The following PCDHGA3 variants were observed in gnomAD, a reference collection of about 807,000 sequenced individuals.
The protein encoded by PCDHGA3 is protocadherin gamma subfamily A, 3.
Under a neutral mutation model 58.5 loss-of-function variants are expected in PCDHGA3, and 40 were observed. The ratio of observed to expected loss-of-function variants is 0.68; its 90% CI spans 0.53 to 0.89. PCDHGA3 has a LOEUF of 0.89. Among genes scored for constraint, PCDHGA3 ranks in the 40% least tolerant of loss-of-function variants. The pLI, the probability that PCDHGA3 is intolerant of heterozygous loss-of-function variation, is 0.00. For synonymous variants in PCDHGA3, 530 were observed against 525.7 expected, an observed-to-expected ratio of 1.01 and a Z score of -0.11; for missense variants, 1,223 against 1,195.9, an observed-to-expected ratio of 1.02 and a Z score of -0.33.
At chr5:141,414,639 T>A in intron 1 of PCDHGA3, 1 of 1,613,966 alleles carries the variant, frequency 6.2e-7, no homozygotes, top group South Asian at 1.1e-5. Context: ...GCAAAGAGAA[T>A]GCCCAGATTA....
At chr5:141,461,291 C>A (rs892436619) in intron 1 of PCDHGA3, among the ~76,000 whole-genome samples, 1 of 152,128 alleles carries the variant, frequency 6.6e-6, no homozygotes, top group African/African-American at 2.4e-5. Flanking sequence ...CACATCCACA[C>A]CAACATCTAT....
Position 141,485,778 on chromosome 5 carries a change from G to T in PCDHGA3, c.2425-9029G>T. The T allele has an allele frequency of 6.2e-7, 1 of 1,614,216 alleles. No individual in the cohort carries two copies. Among genetic ancestry groups the T allele is most frequent in the Admixed American group, 1.7e-5 (1 of 60,028 alleles). ...CTGCTCCTGGAGAAGCCTTTGGATC[G>T]AGAGAAGCAATCGGACTACCGCCTG... is the stretch of plus-strand genomic sequence containing the variant. On this transcript the variant is annotated intron_variant, in intron 1 of 3. Coordinates refer to ENST00000253812, the MANE Select transcript of PCDHGA3 (RefSeq NM_018916.4). The surrounding 1 kb of genome is among the most constrained non-coding windows in gnomAD (Gnocchi z 5.7).
chr5:141,460,511 A>G (rs533913282), intron 1 of PCDHGA3, among the ~76,000 whole-genome samples: 2 of 152,286 alleles, frequency 1.3e-5, no homozygotes, highest in Admixed American at 1.3e-4. Context: ...TGAGAAGGCT[A>G]TCTTTTCCCC....
intron 1 of PCDHGA3, among the ~76,000 whole-genome samples, chr5:141,402,212 A>T (rs1282581389): frequency 6.6e-6 from 1 of 152,138 alleles, no homozygotes; most frequent in Non-Finnish European, 1.5e-5. Context: ...ACAAAAATTT[A>T]AAATAAACGT....
At chr5:141,361,786 T>A in intron 1 of PCDHGA3, 1 of 1,613,238 alleles carries the variant, frequency 6.2e-7, no homozygotes, top group Non-Finnish European at 8.5e-7. Context: ...CCTGCGCGTG[T>A]TAGTGGGCGA....
chr5:141,409,849 C>A (rs772503820), intron 1 of PCDHGA3: 1 of 1,612,106 alleles, frequency 6.2e-7, no homozygotes, highest in South Asian at 1.1e-5. Context: ...TGAGCCTGCG[C>A]GTGTTGGTGG....
chr5:141,436,087 T>C (rs927404291), intron 1 of PCDHGA3, among the ~76,000 whole-genome samples: 1 of 152,198 alleles, frequency 6.6e-6, no homozygotes, highest in Non-Finnish European at 1.5e-5. Flanking sequence ...CTATAGGTAA[T>C]ATTGAGAGAA....
intron 1 of PCDHGA3, among the ~76,000 whole-genome samples, chr5:141,347,780 C>T (rs1758016407): frequency 6.7e-6 from 1 of 149,946 alleles, no homozygotes. Flanking sequence ...GAGAGAGACT[C>T]CATCTCAAAA....
Position 141,432,298 on chromosome 5 carries a change from A to T in PCDHGA3, c.2425-62509A>T. Reference sequence around the variant, plus strand: ...TGTCCATCAACTCCGACACTGGGGTACTGTATGCGCTGAGCTCCTTCGACT... The same window carrying T: ...TGTCCATCAACTCCGACACTGGGGTTCTGTATGCGCTGAGCTCCTTCGACT... On this transcript the variant is annotated intron_variant, in intron 1 of 3. Transcript: ENST00000253812. The surrounding 1 kb of genome is among the most constrained non-coding windows in gnomAD (Gnocchi z 6.0). The T allele has an allele frequency of 6.2e-7, 1 of 1,614,236 alleles. No homozygotes were observed. Among genetic ancestry groups the T allele is most frequent in the Non-Finnish European group, 8.5e-7 (1 of 1,180,036 alleles).
intron 1 of PCDHGA3, among the ~76,000 whole-genome samples, chr5:141,469,436 G>T (rs556417221): frequency 6.6e-6 from 1 of 152,002 alleles, no homozygotes; most frequent in Non-Finnish European, 1.5e-5. Flanking sequence ...TTAGCTGGGC[G>T]TGGTGGTGCA....
At chr5:141,388,913 A>T in intron 1 of PCDHGA3, 1 of 1,614,040 alleles carries the variant, frequency 6.2e-7, no homozygotes, top group Non-Finnish European at 8.5e-7. Context: ...ACAACGCCCC[A>T]GAAGTGATAT....
intron 1 of PCDHGA3, chr5:141,350,339 A>G (rs1758450132): frequency 6.5e-7 from 1 of 1,542,648 alleles, no homozygotes; most frequent in South Asian, 1.3e-5. Flanking sequence ...CTGCGGGGCC[A>G]TCTCCCAGCA....
intron 1 of PCDHGA3, among the ~76,000 whole-genome samples, chr5:141,465,205 G>A (rs1460694369): frequency 6.6e-6 from 1 of 151,892 alleles, no homozygotes; most frequent in Admixed American, 6.6e-5. Flanking sequence ...AAAAATATAA[G>A]CTTTATTTTT....
chr5:141,352,728 G>A (rs1759097039), intron 1 of PCDHGA3: 4 of 1,522,770 alleles, frequency 2.6e-6, no homozygotes, highest in East Asian at 2.5e-5. Context: ...GGTGGCTCAA[G>A]CCTGTAATCC....
intron 1 of PCDHGA3, chr5:141,374,023 A>C: frequency 7.1e-7 from 1 of 1,412,854 alleles, no homozygotes; most frequent in South Asian, 1.7e-5. Flanking sequence ...GAGAAGAGCA[A>C]AAGTGATGCA....
intron 1 of PCDHGA3, among the ~76,000 whole-genome samples, chr5:141,448,796 T>G (rs1268643310): frequency 1.0e-4 from 15 of 150,106 alleles, no homozygotes; most frequent in Admixed American, 4.0e-4. Context: ...AAAAAAAAAA[T>G]TAGCCAGGCG....
chr5:141,385,190 G>A (rs899564761), intron 1 of PCDHGA3: 5 of 1,614,048 alleles, frequency 3.1e-6, no homozygotes, highest in African/African-American at 1.3e-5. Context: ...GCGGACTCTC[G>A]GAAGAGTCAC....
intron 1 of PCDHGA3, among the ~76,000 whole-genome samples, chr5:141,463,539 C>T (rs1408887405): frequency 6.7e-6 from 1 of 148,606 alleles, no homozygotes; most frequent in Admixed American, 6.8e-5. Context: ...AACTCCGGCT[C>T]CCGGGTTCAT....
At chr5:141,394,060 C>T (rs1437765710) in intron 1 of PCDHGA3, 1 of 1,613,662 alleles carries the variant, frequency 6.2e-7, no homozygotes, top group Non-Finnish European at 8.5e-7. Context: ...GAAAATGTCT[C>T]TATCTACAAT....
Sources: gnomAD v4.1 joint callset for allele counts (sites outside exome capture counted in the v4.1 genomes callset) on GRCh38, gnomAD v4.1.1 for gene constraint, Gnocchi (gnomAD v3.1) non-coding constraint, MANE v1.5 for transcripts, NCBI Gene and HGNC (gene_info 2026-07-23, HGNC 2026-07-21) for gene names.